BCAT1: variants seen among roughly 807,000 people sequenced by gnomAD.
BCAT1 encodes branched-chain-amino-acid aminotransferase, cytosolic.
Under a neutral mutation model 52.4 loss-of-function variants are expected in BCAT1, and 48 were observed. The observed-to-expected ratio is 0.92, with a 90% CI of 0.73 to 1.16. BCAT1 has a LOEUF of 1.16. Among genes scored for constraint, BCAT1 ranks in the 50% most tolerant of loss-of-function variants. BCAT1 has a pLI of 0.00. For missense variants in BCAT1, 451 were observed against 457.1 expected, an observed-to-expected ratio of 0.99 and a Z score of 0.12; for synonymous variants, 167 against 161.3, an observed-to-expected ratio of 1.04 and a Z score of -0.27.
intron 8 of BCAT1, among the ~76,000 whole-genome samples, chr12:24,833,373 G>T (rs1940770995): frequency 1.3e-5 from 2 of 152,006 alleles, no homozygotes; most frequent in Non-Finnish European, 2.9e-5. Flanking sequence ...ACAAAAATTA[G>T]CCAGGCATGG....
intron 1 of BCAT1, chr12:24,902,307 A>G (rs1794496656): frequency 7.8e-7 from 1 of 1,281,026 alleles, no homozygotes; most frequent in African/African-American, 1.5e-5. Flanking sequence ...CAGACGCACA[A>G]TAGCAAGCCT....
intron 1 of BCAT1, among the ~76,000 whole-genome samples, chr12:24,911,106 A>C (rs1242017163): frequency 6.6e-6 from 1 of 152,194 alleles, no homozygotes; most frequent in African/African-American, 2.4e-5. Flanking sequence ...TCTTAAAAAA[A>C]AAAAAAAATT....
At chr12:24,949,122 G>T, upstream of BCAT1, 1 of 596,052 alleles carries the variant, frequency 1.7e-6, no homozygotes. Flanking sequence ...TCTCGCGGCG[G>T]AGACTCGCGA....
intron 1 of BCAT1, among the ~76,000 whole-genome samples, chr12:24,922,295 G>A (rs1252097510): frequency 6.6e-6 from 1 of 152,180 alleles, no homozygotes; most frequent in Non-Finnish European, 1.5e-5. Context: ...CCCCCAAGTA[G>A]CTGGGACTAC....
intron 8 of BCAT1, 175 bp downstream of exon 8, chr12:24,836,336 T>G (rs1045181041): frequency 5.0e-6 from 3 of 604,610 alleles, no homozygotes; most frequent in Non-Finnish European, 5.7e-6. Context: ...AATACTTATT[T>G]TAATAGTCTT....
chr12:24,855,004 T>C (rs1169987273), intron 5 of BCAT1, among the ~76,000 whole-genome samples: 1 of 152,022 alleles, frequency 6.6e-6, no homozygotes, highest in African/African-American at 2.4e-5. Flanking sequence ...AGCATAAAAA[T>C]AAAGGAACAG....
chr12:24,902,314 GC>G, intron 1 of BCAT1: 1 of 1,266,336 alleles, frequency 7.9e-7, no homozygotes, highest in South Asian at 2.3e-5. Context: ...ACAATAGCAA[GC>G]CTGCAAAGGG....
intron 1 of BCAT1, among the ~76,000 whole-genome samples, chr12:24,907,146 G>A (rs541645343): frequency 5.9e-5 from 9 of 151,916 alleles, no homozygotes; most frequent in Admixed American, 2.0e-4. Context: ...CAGTCCTTTC[G>A]GACATCAGGC....
At chr12:24,904,328 C>G (rs3759088) in intron 1 of BCAT1, 99,738 of 152,242 alleles carry the variant, frequency 0.66, 32,905 homozygotes, top group Admixed American at 0.69. Flanking sequence ...TCAGCCTCCC[C>G]AGTAGCCGGG....
At chr12:24,915,489 C>T (rs181944918) in intron 1 of BCAT1, among the ~76,000 whole-genome samples, 15 of 152,188 alleles carry the variant, frequency 9.9e-5, no homozygotes, top group Admixed American at 6.5e-4. Flanking sequence ...GAATTACATA[C>T]AATAAAGACA....
intron 5 of BCAT1, among the ~76,000 whole-genome samples, chr12:24,868,562 A>C (rs1408393694): frequency 6.6e-6 from 1 of 152,236 alleles, no homozygotes; most frequent in Admixed American, 6.5e-5. Context: ...CACTCAATAA[A>C]TGGTGATGGG....
chr12:24,853,553 A>G (rs1159177043), intron 5 of BCAT1, among the ~76,000 whole-genome samples: 1 of 152,192 alleles, frequency 6.6e-6, no homozygotes, highest in African/African-American at 2.4e-5. Context: ...ATCACAACAT[A>G]TACCCATGTA....
intron 4 of BCAT1, among the ~76,000 whole-genome samples, chr12:24,880,419 T>C (rs1364566121): frequency 6.6e-6 from 1 of 152,232 alleles, no homozygotes; most frequent in Admixed American, 6.5e-5. Context: ...ATTGTGCCAC[T>C]GCACTATAGC....
At position 24,911,531 on chromosome 12, in the gene BCAT1, CAT is replaced by C. The variant is rs375011853; in HGVS notation, c.7-9648_7-9647del. Among the ~76,000 whole-genome samples the C allele has an allele frequency of 4.3e-4, 65 of 152,350 alleles. No homozygotes were observed. The South Asian group carries it at 6.2e-3, about 15-fold the overall frequency. ...TACAAATACAGTTTAATCTTTCCCA[CAT>C]GTTAGAGGAAAAATAAACATAAGTT... On this transcript the variant is annotated intron_variant, in intron 1 of 10. Transcript: ENST00000261192.
At chr12:24,841,929 C>CT (rs1941187979) in intron 7 of BCAT1, among the ~76,000 whole-genome samples, 153 bp downstream of exon 7, 2 of 152,042 alleles carry the variant, frequency 1.3e-5, no homozygotes, top group African/African-American at 2.4e-5. Context: ...AAAAAAGAAA[C>CT]TTGTGTCTAT....
intron 6 of BCAT1, among the ~76,000 whole-genome samples, chr12:24,848,413 T>G (rs867815344): frequency 6.6e-6 from 1 of 152,226 alleles, no homozygotes; most frequent in Non-Finnish European, 1.5e-5. Context: ...TGGCCTACAG[T>G]GATCATGTAT....
chr12:24,813,083 A>G lies in BCAT1; in HGVS notation c.*4925T>C, dbSNP rs575178184. Reference sequence around the variant, plus strand: ...CCCCATCACCCCCATTTCAATTTTTAAGACTGATTTCATGCCTTTATCATT... The same window carrying G: ...CCCCATCACCCCCATTTCAATTTTTGAGACTGATTTCATGCCTTTATCATT... On this transcript the variant is annotated 3_prime_UTR_variant, in exon 11 of 11. Coordinates refer to ENST00000261192, the MANE Select transcript of BCAT1 (RefSeq NM_005504.7). The G allele has an allele frequency of 6.6e-6, 1 of 152,074 alleles. No homozygotes were observed. Among genetic ancestry groups the G allele is most frequent in the African/African-American group, 2.4e-5 (1 of 41,548 alleles). The allele number at this position is 152,074 out of a possible 1,614,324, so 9.4% of individuals were successfully genotyped here. A position where few individuals can be genotyped will look rare whatever the true frequency, so the allele number is the denominator to read the frequency against.
Position 24,810,610 on chromosome 12 carries a change from C to A in BCAT1, c.*7398G>T, listed in dbSNP as rs1000686349. The A allele has an allele frequency of 2.0e-5, 3 of 152,240 alleles. No homozygotes were observed. Among genetic ancestry groups the A allele is most frequent in the Admixed American group, 6.5e-5 (1 of 15,288 alleles). The allele number at this position is 152,240 out of a possible 1,614,324, so 9.4% of individuals were successfully genotyped here. ...ACTGTAAGAACACTTGACTAATAAC[C>A]TTTGCCTAGACCTTCCAAACTCTGC... On this transcript the variant is annotated 3_prime_UTR_variant, in exon 11 of 11. Transcript: ENST00000261192.
At position 24,832,788 on chromosome 12, in the gene BCAT1, C is replaced by T; in HGVS notation, c.979G>A (p.Glu327Lys). Residue 327 changes from glutamate (E) to lysine (K), a missense_variant, in exon 9 of 11, where the codon GAG becomes AAG. Coordinates refer to ENST00000261192, the MANE Select transcript of BCAT1 (RefSeq NM_005504.7). ...TTALEGNRVR[E>K]MFGSGTACVV... ...CAGGCTGTACCAGAGCCAAACATCT[C>T]TCTCACTCTGTTCCCCTCCAGGGCT... 6.2e-7 allele frequency: 1 copy of T among 1,611,936 alleles called. No homozygotes were observed. Among genetic ancestry groups the T allele is most frequent in the South Asian group, 1.1e-5 (1 of 90,488 alleles).
Sources: gnomAD v4.1 joint callset for allele counts (sites outside exome capture counted in the v4.1 genomes callset) on GRCh38, gnomAD v4.1.1 for gene constraint, MANE v1.5 for transcripts, NCBI Gene and HGNC (gene_info 2026-07-23, HGNC 2026-07-21) for gene names.